Variants in G3BP2 observed in about 807,000 individuals in gnomAD.
G3BP2 encodes the protein ras GTPase-activating protein-binding protein 2.
In G3BP2, 11 loss-of-function variants were observed where a neutral mutation model predicts 56.7. The observed-to-expected ratio is 0.19, with a 90% CI of 0.12 to 0.32. The LOEUF is 0.32. G3BP2 is among the 10% of genes least tolerant of loss of function. The pLI is 1.00. For synonymous variants in G3BP2, 165 were observed against 191.6 expected (o/e 0.86, Z 1.15); for missense variants, 340 against 610.9 (o/e 0.56, Z 4.67).
intron 3 of G3BP2, among the ~76,000 whole-genome samples, chr4:75,713,334 A>T (rs1370107060): frequency 6.6e-6 from 1 of 152,230 alleles, no homozygotes; most frequent in Non-Finnish European, 1.5e-5. Flanking sequence ...ATATGAAAGG[A>T]TGCTAAAATT....
chr4:75,645,143 C>T lies in G3BP2; in HGVS notation c.*287G>A. The T allele has an allele frequency of 2.9e-6, 1 of 350,426 alleles. No homozygotes were observed. The highest frequency in any genetic ancestry group is 5.1e-6 in the Non-Finnish European group (1 of 195,586). 21.7% of individuals were successfully genotyped at this position (350,426 alleles called of 1,614,324 possible). A position where few individuals can be genotyped will look rare whatever the true frequency, so the allele number is the denominator to read the frequency against. ...TTTTTTTACTCAAAGGACCTGAATTCAGTGGGCATGTCCTTTTAAGTTCAC... is the reference window on the plus strand; with the variant it reads ...TTTTTTTACTCAAAGGACCTGAATTTAGTGGGCATGTCCTTTTAAGTTCAC... On this transcript the variant is annotated 3_prime_UTR_variant, in exon 12 of 12. Transcript: ENST00000359707.
At position 75,664,710 on chromosome 4, in the gene G3BP2, T is replaced by C. The variant is rs1183570813; in HGVS notation, c.-24-2661A>G. Reference sequence around the variant, plus strand: ...TAAAAATACAAATAATTAGCAGAGCTGATGGCACACACCTGTAATCTCAGC... The same window carrying C: ...TAAAAATACAAATAATTAGCAGAGCCGATGGCACACACCTGTAATCTCAGC... On this transcript the variant is annotated intron_variant, in intron 1 of 11. Transcript: ENST00000359707. Among the ~76,000 whole-genome samples, 2 of 152,130 alleles carry C rather than the reference T, an allele frequency of 1.3e-5. 1 individual carries two copies. The highest frequency in any genetic ancestry group is 2.9e-5 in the Non-Finnish European group (2 of 68,038).
intron 3 of G3BP2, among the ~76,000 whole-genome samples, chr4:75,704,511 G>T (rs1410130190): frequency 6.6e-6 from 1 of 151,836 alleles, no homozygotes; most frequent in Non-Finnish European, 1.5e-5. Context: ...TAGAGACAGG[G>T]TCTCACTATG....
At chr4:75,693,020 G>C (rs1334715122) in intron 3 of G3BP2, among the ~76,000 whole-genome samples, 1 of 152,196 alleles carries the variant, frequency 6.6e-6, no homozygotes, top group African/African-American at 2.4e-5. Flanking sequence ...GCCAAGGCGG[G>C]TGGATCACGA....
chr4:75,717,493 C>CT (rs1424825947), intron 3 of G3BP2, among the ~76,000 whole-genome samples: 1 of 152,152 alleles, frequency 6.6e-6, no homozygotes, highest in Admixed American at 6.5e-5. Flanking sequence ...CTGTCACTCC[C>CT]TCCTGCCACA....
intron 3 of G3BP2, among the ~76,000 whole-genome samples, chr4:75,717,624 A>C (rs532164768): frequency 2.6e-5 from 4 of 152,272 alleles, no homozygotes; most frequent in African/African-American, 7.2e-5. Flanking sequence ...GCTTACATGG[A>C]ATCTTGGCAT....
intron 1 of G3BP2, among the ~76,000 whole-genome samples, chr4:75,665,410 G>A (rs1327274588): frequency 6.6e-6 from 1 of 152,096 alleles, no homozygotes; most frequent in East Asian, 1.9e-4. Context: ...CTCCCAATAA[G>A]GGTAACAACC....
chr4:75,679,369 A>C (rs2149064033), intron 3 of G3BP2, among the ~76,000 whole-genome samples: 1 of 152,286 alleles, frequency 6.6e-6, no homozygotes, highest in Admixed American at 6.5e-5. Flanking sequence ...GAAAGAATCA[A>C]ATGTTAATTT....
chr4:75,683,757 G>A (rs1718448533), intron 3 of G3BP2, among the ~76,000 whole-genome samples: 1 of 152,044 alleles, frequency 6.6e-6, no homozygotes, highest in Non-Finnish European at 1.5e-5. Flanking sequence ...ACTGACAGGA[G>A]CTCCCAGTTA....
At chr4:75,675,140 A>G (rs1052386588), upstream of G3BP2, among the ~76,000 whole-genome samples, 5 of 152,144 alleles carry the variant, frequency 3.3e-5, no homozygotes, top group Non-Finnish European at 7.3e-5. Flanking sequence ...AACACAGGCA[A>G]TCTGCCTCCA....
intron 4 of G3BP2, 40 bp downstream of exon 4, chr4:75,657,517 C>G (rs370760095): frequency 1.2e-5 from 17 of 1,470,990 alleles, no homozygotes; most frequent in Non-Finnish European, 1.6e-5. Flanking sequence ...AACCAACTAG[C>G]AACCATATAA....
intron 3 of G3BP2, among the ~76,000 whole-genome samples, chr4:75,690,332 A>G (rs1718799026): frequency 6.6e-6 from 1 of 152,080 alleles, no homozygotes; most frequent in Non-Finnish European, 1.5e-5. Context: ...TGGGAGACTG[A>G]GACAGGAGAA....
In G3BP2 at chr4:75,643,295, T is replaced by G. The variant is rs1313047662; in HGVS notation, c.*2135A>C. ...GCAGGGCAATATCCTGAATTGGAAA[T>G]TATATATATATATATATATATGGAA... On this transcript the variant is annotated 3_prime_UTR_variant, in exon 12 of 12. Coordinates refer to ENST00000359707, the MANE Select transcript of G3BP2 (RefSeq NM_203505.3). 1 of 99,942 alleles carries G rather than the reference T, an allele frequency of 1.0e-5. No individual in the cohort carries two copies. The highest frequency in any genetic ancestry group is 2.2e-5 in the Non-Finnish European group (1 of 46,322). 6.2% of individuals were successfully genotyped at this position (99,942 alleles called of 1,614,324 possible).
At chr4:75,701,579 C>G (rs1719346448) in intron 3 of G3BP2, among the ~76,000 whole-genome samples, 1 of 152,146 alleles carries the variant, frequency 6.6e-6, no homozygotes, top group Admixed American at 6.5e-5. Context: ...CAGGCATGCA[C>G]CACCATGCCC....
At chr4:75,709,419 C>CAAAAAAAA (rs34603185) in intron 3 of G3BP2, among the ~76,000 whole-genome samples, 1 of 47,398 alleles carries the variant, frequency 2.1e-5, no homozygotes, top group Non-Finnish European at 3.5e-5. Flanking sequence ...GACTCCGTCT[C>CAAAAAAAA]AAAAAAAAAA....
At chr4:75,682,414 CAA>C (rs34067467) in intron 3 of G3BP2, among the ~76,000 whole-genome samples, 2,249 of 100,224 alleles carry the variant, frequency 0.022, 52 homozygotes, top group African/African-American at 0.076. Context: ...GACTCCGTCT[CAA>C]AAAAAAAAAA....
chr4:75,709,793 T>A (rs909281330), intron 3 of G3BP2, among the ~76,000 whole-genome samples: 1 of 151,966 alleles, frequency 6.6e-6, no homozygotes, highest in South Asian at 2.1e-4. Flanking sequence ...CCTCAGCCTC[T>A]GGAGTAGCTA....
At chr4:75,661,205 T>C (rs1234369365) in intron 2 of G3BP2, among the ~76,000 whole-genome samples, 1 of 152,210 alleles carries the variant, frequency 6.6e-6, no homozygotes, top group African/African-American at 2.4e-5. Flanking sequence ...GCTCGCTCAC[T>C]GCAGCCTCCA....
At chr4:75,685,327 C>A (rs868237701) in intron 3 of G3BP2, among the ~76,000 whole-genome samples, 3 of 151,760 alleles carry the variant, frequency 2.0e-5, no homozygotes, top group Admixed American at 2.0e-4. Context: ...ATGGTGAAAC[C>A]CTGTCTCTAC....
Sources: gnomAD v4.1 joint callset for allele counts (sites outside exome capture counted in the v4.1 genomes callset) on GRCh38, gnomAD v4.1.1 for gene constraint, MANE v1.5 for transcripts, NCBI Gene and HGNC (gene_info 2026-07-23, HGNC 2026-07-21) for gene names.